ZYG11B: variants seen among roughly 807,000 people sequenced by gnomAD.
ZYG11B encodes protein zyg-11 homolog B.
ZYG11B carries 36 observed loss-of-function variants against 82.4 expected under a neutral mutation model. The observed-to-expected ratio is 0.44, with a 90% confidence interval of 0.33 to 0.58. The LOEUF (loss-of-function observed/expected upper bound fraction) is 0.58. Among genes scored for constraint, ZYG11B ranks in the 20% least tolerant of loss-of-function variants. The pLI, the probability that ZYG11B is intolerant of heterozygous loss-of-function variation, is 0.02. For missense variants in ZYG11B, 552 were observed against 895.6 expected (o/e 0.62, Z 4.90); for synonymous variants, 303 against 312.8 (o/e 0.97, Z 0.33).
chr1:52,743,031 C>T (rs1226938478), intron 1 of ZYG11B, among the ~76,000 whole-genome samples: 3 of 151,986 alleles, frequency 2.0e-5, no homozygotes, highest in East Asian at 1.9e-4. Flanking sequence ...CCCCTCTGCC[C>T]GGCCGCCACC....
chr1:52,767,044 T>C (rs1644696701), intron 2 of ZYG11B, among the ~76,000 whole-genome samples: 1 of 149,456 alleles, frequency 6.7e-6, no homozygotes, highest in Admixed American at 6.6e-5. Context: ...TTATTTTATG[T>C]TATTTTATTT....
chr1:52,751,975 T>C (rs1327686865), intron 1 of ZYG11B, among the ~76,000 whole-genome samples: 1 of 152,004 alleles, frequency 6.6e-6, no homozygotes, highest in East Asian at 1.9e-4. Context: ...GTTTTTTTTT[T>C]TCCCTATACG....
intron 2 of ZYG11B, among the ~76,000 whole-genome samples, chr1:52,759,277 T>C (rs1053245294): frequency 2.6e-5 from 4 of 152,162 alleles, no homozygotes; most frequent in African/African-American, 9.7e-5. Context: ...ATCTTGTAAA[T>C]CAAAAGAACA....
At chr1:52,776,229 A>AAAAAAAAAATATATATATATATATATAT in intron 3 of ZYG11B, among the ~76,000 whole-genome samples, 2 of 23,536 alleles carry the variant, frequency 8.5e-5, no homozygotes, top group African/African-American at 1.9e-4. Context: ...TAAAAAAAAA[A>AAAAAAAAAATATATATATATATATATAT]ATATATATAT....
At chr1:52,769,691 A>C (rs916498656) in intron 2 of ZYG11B, among the ~76,000 whole-genome samples, 1 of 152,220 alleles carries the variant, frequency 6.6e-6, no homozygotes, top group African/African-American at 2.4e-5. Flanking sequence ...TCATTAGAGA[A>C]TAGTGCTCCC....
rs1174039077 is a variant in ZYG11B, at chr1:52,803,167, TAC to T, written c.1695+1034_1695+1035del. On this transcript the variant is annotated intron_variant, in intron 10 of 13. Coordinates refer to ENST00000294353, the MANE Select transcript of ZYG11B (RefSeq NM_024646.3). ...ATATATATATATACACATATATATATACACACATATATATATATATACACATA... is the reference window on the plus strand; with the variant it reads ...ATATATATATATACACATATATATATACACATATATATATATATACACATA... Among the ~76,000 whole-genome samples the T allele has an allele frequency of 3.0e-3, 189 of 62,772 alleles. 17 individuals are homozygous for T. Among genetic ancestry groups the T allele is most frequent in the African/African-American group, 0.026 (148 of 5,670 alleles). 41.2% of individuals were successfully genotyped at this position (62,772 alleles called of 152,430 possible). A position where few individuals can be genotyped will look rare whatever the true frequency, so the allele number is the denominator to read the frequency against.
chr1:52,826,672 C>A lies in ZYG11B; in HGVS notation c.*5043C>A, dbSNP rs1034502610. 6.6e-6 allele frequency: 1 copy of A among 152,174 alleles called. No individual in the cohort carries two copies. Among genetic ancestry groups the A allele is most frequent in the African/African-American group, 2.4e-5 (1 of 41,434 alleles). 9.4% of individuals were successfully genotyped at this position (152,174 alleles called of 1,614,324 possible). A position where few individuals can be genotyped will look rare whatever the true frequency, so the allele number is the denominator to read the frequency against. On this transcript the variant is annotated 3_prime_UTR_variant, in exon 14 of 14. Transcript: ENST00000294353. ...GGGGTAAGTTTTGCAAAGATCAGTGCTGCTTCTCATGACTCTAAAGTAAAG... is the reference window on the plus strand; with the variant it reads ...GGGGTAAGTTTTGCAAAGATCAGTGATGCTTCTCATGACTCTAAAGTAAAG...
intron 1 of ZYG11B, among the ~76,000 whole-genome samples, chr1:52,734,633 A>G (rs1354685259): frequency 3.3e-5 from 5 of 151,756 alleles, no homozygotes; most frequent in South Asian, 4.2e-4. Flanking sequence ...CTGGGCAACA[A>G]GAGTGAAACT....
chr1:52,762,212 CTTTTT>C (rs1438109698), intron 2 of ZYG11B, among the ~76,000 whole-genome samples: 2 of 131,506 alleles, frequency 1.5e-5, no homozygotes, highest in Admixed American at 7.7e-5. Context: ...GTTGCCTGTG[CTTTTT>C]TTTTTTTTTT....
intron 3 of ZYG11B, chr1:52,772,062 G>A (rs1034309135): frequency 4.2e-6 from 3 of 720,752 alleles, no homozygotes; most frequent in Admixed American, 2.4e-5. Context: ...GTAGGTCCTG[G>A]CTAAACAATA....
intron 10 of ZYG11B, among the ~76,000 whole-genome samples, chr1:52,803,191 CAT>C (rs774775340): frequency 0.039 from 2,703 of 69,200 alleles, 313 homozygotes; most frequent in Non-Finnish European, 0.045. Context: ...TATATATACA[CAT>C]ATATATATAT....
chr1:52,803,097 T>TATATATATATATATATATATATAC (rs1212524091), intron 10 of ZYG11B, among the ~76,000 whole-genome samples: 3 of 44,830 alleles, frequency 6.7e-5, no homozygotes, highest in Non-Finnish European at 1.3e-4. Context: ...CATATATATA[T>TATATATATATATATATATATATAC]ACATATATAT....
Position 52,776,229 on chromosome 1 carries a change from A to AAAAAAATAT in ZYG11B, c.952-3623_952-3622insAAAAATATA. The stretch of plus-strand genomic sequence containing the variant: ...AGCAAAACTCTGTCTTAAAAAAAAA[A>AAAAAAATAT]ATATATATATATATATGCAATAAAG... On this transcript the variant is annotated intron_variant, in intron 3 of 13. Transcript: ENST00000294353. Among the ~76,000 whole-genome samples, 27 of 23,544 alleles carry AAAAAAATAT rather than the reference A, an allele frequency of 1.1e-3. 2 individuals are homozygous for AAAAAAATAT. The highest frequency in any genetic ancestry group is 1.4e-3 in the African/African-American group (15 of 10,552). The allele number at this position is 23,544 out of a possible 152,430, so 15.4% of individuals were successfully genotyped here. A position where few individuals can be genotyped will look rare whatever the true frequency, so the allele number is the denominator to read the frequency against.
rs191636000 is a variant in ZYG11B at position 52,777,486 on chromosome 1, G to A, written c.952-2367G>A. 2.0e-4 allele frequency among the ~76,000 whole-genome samples: 30 copies of A among 152,026 alleles called. 1 individual carries two copies. Among genetic ancestry groups the A allele is most frequent in the Admixed American group, 4.6e-4 (7 of 15,250 alleles). On this transcript the variant is annotated intron_variant, in intron 3 of 13. Transcript: ENST00000294353. ...TTTTGATAGAGTCTCACTCTGTTGC[G>A]CATCATGGAGTGCTGTGGCACAGTC...
At chr1:52,751,531 G>A (rs1051078263) in intron 1 of ZYG11B, among the ~76,000 whole-genome samples, 88 of 152,142 alleles carry the variant, frequency 5.8e-4, no homozygotes, top group African/African-American at 1.9e-3. Flanking sequence ...TCTGGAGACT[G>A]AGGCAGGAGA....
At chr1:52,751,186 C>T (rs1367841177) in intron 1 of ZYG11B, among the ~76,000 whole-genome samples, 1 of 151,630 alleles carries the variant, frequency 6.6e-6, no homozygotes, top group African/African-American at 2.4e-5. Flanking sequence ...CACCATGTTG[C>T]CCAGGCTGGT....
intron 10 of ZYG11B, among the ~76,000 whole-genome samples, chr1:52,807,491 CT>C (rs34785263): frequency 0.027 from 3,519 of 128,860 alleles, 40 homozygotes; most frequent in Non-Finnish European, 0.041. Flanking sequence ...GCTAAGAGTA[CT>C]TTTTTTTTTT....
chr1:52,738,984 C>CTTTTTTT (rs1644400249), intron 1 of ZYG11B, among the ~76,000 whole-genome samples: 1 of 58,154 alleles, frequency 1.7e-5, no homozygotes, highest in African/African-American at 1.3e-4. Context: ...GGCCCTGTAA[C>CTTTTTTT]CTTTTTTTTT....
chr1:52,776,229 A>AAAAAAAAATATATATACAT, intron 3 of ZYG11B, among the ~76,000 whole-genome samples: 1 of 23,536 alleles, frequency 4.2e-5, no homozygotes, highest in East Asian at 6.7e-4. Context: ...TAAAAAAAAA[A>AAAAAAAAATATATATACAT]ATATATATAT....
Sources: allele counts gnomAD v4.1 joint callset (sites outside exome capture counted in the v4.1 genomes callset), GRCh38; gene constraint gnomAD v4.1.1; transcripts MANE v1.5; gene names NCBI Gene and HGNC (gene_info 2026-07-23, HGNC 2026-07-21).